Variants in SPN observed in about 807,000 individuals in gnomAD.
The protein encoded by SPN is leukosialin.
SPN carries 6 observed loss-of-function variants against 8.4 expected under a neutral mutation model. That is an observed-to-expected ratio of 0.72 (90% CI 0.39 to 1.42). The LOEUF (loss-of-function observed/expected upper bound fraction) is 1.42, where lower values mean the gene tolerates loss of function less well. Among genes scored for constraint, SPN ranks in the 40% most tolerant of loss-of-function variants. The probability of loss-of-function intolerance (pLI) is 0.02; values close to 1 mark genes in which losing one functional copy is unlikely to be tolerated. For missense variants in SPN, 517 were observed against 530.6 expected (o/e 0.97, Z 0.25); for synonymous variants, 201 against 222.6 (o/e 0.90, Z 0.86).
In SPN at chr16:29,664,203, G is replaced by A. The variant is rs761348353; in HGVS notation, c.475G>A (p.Glu159Lys). Residue 159 changes from glutamate to lysine, a missense_variant, in exon 2 of 2, where the codon GAG (glutamate) becomes AAG (lysine). By Grantham distance (56) the Glu-to-Lys change is moderately conservative. Coordinates refer to ENST00000652691, the MANE Select transcript of SPN (RefSeq NM_003123.6). This position sits in a 1 kb window ranked among gnomAD's most constrained non-coding sequence, Gnocchi z 6.4. ...TGTTACCACGGCAGCTAGCTCTCTG[G>A]AGACCTCCAGAGGCACCTCTGGACC... ...APVTTAASSL[E>K]TSRGTSGPPL... The A allele has an allele frequency of 6.2e-7, 1 of 1,613,750 alleles. No individual in the cohort carries two copies. Among genetic ancestry groups the A allele is most frequent in the Non-Finnish European group, 8.5e-7 (1 of 1,179,936 alleles).
rs1034934466 is a variant in SPN, at chr16:29,669,949, T to C, written c.*5018T>C. ...GTGCAGTGGCTATGCGGTGGCACTA[T>C]AGGAGGCTGAGGCGGGCAGATCACC... On this transcript the variant is annotated 3_prime_UTR_variant, in exon 2 of 2. Transcript: ENST00000652691. 1 of 165,462 alleles carries C rather than the reference T, an allele frequency of 6.0e-6. No individual in the cohort carries two copies. Among genetic ancestry groups the C allele is most frequent in the African/African-American group, 2.4e-5 (1 of 40,890 alleles). 10.2% of individuals were successfully genotyped at this position (165,462 alleles called of 1,614,324 possible). A position where few individuals can be genotyped will look rare whatever the true frequency, so the allele number is the denominator to read the frequency against.
rs568108547 is a variant in SPN at position 29,664,683 on chromosome 16, G to A, written c.955G>A (p.Val319Met). ...TGAGGAGGGGGCCGTGACAGTGACC[G>A]TGGGAGGGTCCGGGGGCGACAAGGG... Reference protein sequence around the residue: ...VPEEGAVTVTVGGSGGDKGSG... With the variant: ...VPEEGAVTVTMGGSGGDKGSG... Residue 319 changes from valine (V) to methionine (M), a missense_variant, in exon 2 of 2, where the codon GTG (valine) becomes ATG (methionine). Transcript: ENST00000652691. This position sits in a 1 kb window ranked among gnomAD's most constrained non-coding sequence, Gnocchi z 6.4. 135 of 1,499,584 alleles carry A rather than the reference G, an allele frequency of 9.0e-5. No individual in the cohort carries two copies. The highest frequency in any genetic ancestry group is 5.6e-4 in the South Asian group (41 of 73,836). The allele number at this position is 1,499,584 out of a possible 1,614,324, so 92.9% of individuals were successfully genotyped here.
In SPN at chr16:29,663,757, T is replaced by G; in HGVS notation, c.29T>G (p.Val10Gly). MATLLLLLG[V>G]LVVSPDALGS... ...GCCACGCTTCTCCTTCTCCTTGGGGTGCTGGTGGTAAGCCCAGACGCTCTG... is the reference window on the plus strand; with the variant it reads ...GCCACGCTTCTCCTTCTCCTTGGGGGGCTGGTGGTAAGCCCAGACGCTCTG... The change falls in exon 2 of 2, where the codon GTG (valine) becomes GGG (glycine). Residue 10 changes from valine (V) to glycine (G), a missense_variant. Coordinates refer to ENST00000652691, the MANE Select transcript of SPN (RefSeq NM_003123.6). This position sits in a 1 kb window ranked among gnomAD's most constrained non-coding sequence, Gnocchi z 4.3. The G allele has an allele frequency of 1.3e-6, 2 of 1,594,542 alleles. No homozygotes were observed. Among genetic ancestry groups the G allele is most frequent in the African/African-American group, 2.7e-5 (2 of 74,266 alleles).
Position 29,668,125 on chromosome 16 carries a change from AGT to A in SPN, c.*3199_*3200del, listed in dbSNP as rs1966839166. 6.0e-6 allele frequency: 1 copy of A among 167,052 alleles called. No homozygotes were observed. Among genetic ancestry groups the A allele is most frequent in the Admixed American group, 6.5e-5 (1 of 15,276 alleles). 10.3% of individuals were successfully genotyped at this position (167,052 alleles called of 1,614,324 possible). On this transcript the variant is annotated 3_prime_UTR_variant, in exon 2 of 2. Transcript: ENST00000652691. ...GAAAGGTTGGAAGGCTTCACCTGAG[AGT>A]GTGTCGTGGCCTTTGTCATATCCAC...
In SPN at chr16:29,665,409, T is replaced by G. The variant is rs1036153106; in HGVS notation, c.*478T>G. ...TCATGAGGCTTCTCAGCCCTGGATT[T>G]CCTGCTGCCATCCTCACCCAGCACC... On this transcript the variant is annotated 3_prime_UTR_variant, in exon 2 of 2. Transcript: ENST00000652691. 6.0e-6 allele frequency: 1 copy of G among 167,500 alleles called. No homozygotes were observed. Among genetic ancestry groups the G allele is most frequent in the Non-Finnish European group, 1.5e-5 (1 of 68,526 alleles). The allele number at this position is 167,500 out of a possible 1,614,324, so 10.4% of individuals were successfully genotyped here.
chr16:29,664,498 C>G lies in SPN; in HGVS notation c.770C>G (p.Pro257Arg), dbSNP rs1182176765. 6.2e-7 allele frequency: 1 copy of G among 1,614,248 alleles called. No individual in the cohort carries two copies. Residue 257 changes from proline to arginine, a missense_variant, in exon 2 of 2, where the codon CCA becomes CGA. Physicochemically the swap from Pro to Arg is moderately radical, Grantham distance 103. Coordinates refer to ENST00000652691, the MANE Select transcript of SPN (RefSeq NM_003123.6). This position sits in a 1 kb window ranked among gnomAD's most constrained non-coding sequence, Gnocchi z 6.4. The part of the protein sequence containing the change: ...NPDENSRGML[P>R]VAVLVALLAV... ...GATGAGAACTCACGAGGCATGCTGC[C>G]AGTGGCTGTGCTTGTGGCCCTGCTG...
rs1966836927 is a variant in SPN, at chr16:29,667,945, CCT to C, written c.*3015_*3016del. The C allele has an allele frequency of 6.0e-6, 1 of 166,258 alleles. No individual in the cohort carries two copies. The highest frequency in any genetic ancestry group is 2.1e-4 in the South Asian group (1 of 4,816). The allele number at this position is 166,258 out of a possible 1,614,324, so 10.3% of individuals were successfully genotyped here. On this transcript the variant is annotated 3_prime_UTR_variant, in exon 2 of 2. Coordinates refer to ENST00000652691, the MANE Select transcript of SPN (RefSeq NM_003123.6). ...GCGTGCATGTGCGTGCGTGCATGTG[CCT>C]GTGTGTGTATGTGTGCACATGTGTG... is the stretch of plus-strand genomic sequence containing the variant.
rs1464632652 is a variant in SPN at position 29,663,422 on chromosome 16, T to C, written c.-35+106T>C. On this transcript the variant is annotated intron_variant, in intron 1 of 1. Coordinates refer to ENST00000652691, the MANE Select transcript of SPN (RefSeq NM_003123.6). This position sits in a 1 kb window ranked among gnomAD's most constrained non-coding sequence, Gnocchi z 4.3. ...TATGATGGGAAGAGATTGGGAGCCA[T>C]TGGGCTGCACAGGGTCAGGGAAGGC... 1.9e-5 allele frequency: 6 copies of C among 314,910 alleles called. No individual in the cohort carries two copies. Among genetic ancestry groups the C allele is most frequent in the Admixed American group, 4.8e-5 (1 of 20,846 alleles). 19.5% of individuals were successfully genotyped at this position (314,910 alleles called of 1,614,324 possible).
In SPN at chr16:29,664,792, C is replaced by G; in HGVS notation, c.1064C>G (p.Ser355Cys). Residue 355 changes from serine (S) to cysteine (C), a missense_variant, in exon 2 of 2, where the codon TCC (serine) becomes TGC (cysteine). Physicochemically the swap from Ser to Cys is moderately radical, Grantham distance 112 (BLOSUM62 -1). Coordinates refer to ENST00000652691, the MANE Select transcript of SPN (RefSeq NM_003123.6). This position sits in a 1 kb window ranked among gnomAD's most constrained non-coding sequence, Gnocchi z 6.4. ...GGCAGACGGAAGTCTCGCCAGGGCT[C>G]CCTGGCGATGGAGGAGCTGAAGTCT... ...FFGRRKSRQG[S>C]LAMEELKSGS... is the part of the protein sequence containing the mutation. 6 of 1,502,060 alleles carry G rather than the reference C, an allele frequency of 4.0e-6. No homozygotes were observed. Among genetic ancestry groups the G allele is most frequent in the Non-Finnish European group, 5.3e-6 (6 of 1,128,540 alleles). The allele number at this position is 1,502,060 out of a possible 1,614,324, so 93.0% of individuals were successfully genotyped here. A position where few individuals can be genotyped will look rare whatever the true frequency, so the allele number is the denominator to read the frequency against.
chr16:29,666,552 A>ACGCGCGCGCGCGCGCG lies in SPN; in HGVS notation c.*1623_*1638dup, dbSNP rs1555490176. On this transcript the variant is annotated 3_prime_UTR_variant, in exon 2 of 2. Transcript: ENST00000652691. ...CACACACACACACACACACACACAC[A>ACGCGCGCGCGCGCGCG]CGCGCGCGCGCGCGCGCTCTCCTGC... 11 of 141,258 alleles carry ACGCGCGCGCGCGCGCG rather than the reference A, an allele frequency of 7.8e-5. No individual in the cohort carries two copies. The highest frequency in any genetic ancestry group is 4.2e-4 in the East Asian group (1 of 2,360). The allele number at this position is 141,258 out of a possible 1,614,324, so 8.8% of individuals were successfully genotyped here.
rs139174583 is a variant in SPN, at chr16:29,666,552, A to ACACACGAGCG, written c.*1622_*1623insACACGAGCGC. ...CACACACACACACACACACACACAC[A>ACACACGAGCG]CGCGCGCGCGCGCGCGCTCTCCTGC... On this transcript the variant is annotated 3_prime_UTR_variant, in exon 2 of 2. Transcript: ENST00000652691. 2 of 148,918 alleles carry ACACACGAGCG rather than the reference A, an allele frequency of 1.3e-5. No homozygotes were observed. Among genetic ancestry groups the ACACACGAGCG allele is most frequent in the Non-Finnish European group, 2.7e-5 (2 of 73,810 alleles). 9.2% of individuals were successfully genotyped at this position (148,918 alleles called of 1,614,324 possible).
Position 29,664,884 on chromosome 16 carries a change from G to A in SPN, c.1156G>A (p.Ala386Thr), listed in dbSNP as rs866250284. The change falls in exon 2 of 2, where the codon GCC (alanine) becomes ACC (threonine). Residue 386 changes from alanine (A) to threonine (T), a missense_variant. Ala to Thr is a moderately conservative substitution (Grantham distance 58). Coordinates refer to ENST00000652691, the MANE Select transcript of SPN (RefSeq NM_003123.6). The surrounding 1 kb of genome is among the most constrained non-coding windows in gnomAD (Gnocchi z 6.4). ...LVASEDGAVD[A>T]PAPDEPEGGD... The stretch of plus-strand genomic sequence containing the variant: ...GGCCAGTGAGGATGGGGCTGTGGAC[G>A]CCCCAGCTCCTGATGAGCCCGAAGG... 20 of 1,463,694 alleles carry A rather than the reference G, an allele frequency of 1.4e-5. No individual in the cohort carries two copies. Among genetic ancestry groups the A allele is most frequent in the Middle Eastern group, 3.7e-4 (2 of 5,366 alleles). The allele number at this position is 1,463,694 out of a possible 1,614,324, so 90.7% of individuals were successfully genotyped here.
At position 29,666,552 on chromosome 16, in the gene SPN, A is replaced by ACACGCGCGCGCGCGCGCGCG. The variant is rs139174583; in HGVS notation, c.*1622_*1623insACGCGCGCGCGCGCGCGCGC. 7.1e-6 allele frequency: 1 copy of ACACGCGCGCGCGCGCGCGCG among 141,258 alleles called. No homozygotes were observed. Among genetic ancestry groups the ACACGCGCGCGCGCGCGCGCG allele is most frequent in the African/African-American group, 3.0e-5 (1 of 33,184 alleles). 8.8% of individuals were successfully genotyped at this position (141,258 alleles called of 1,614,324 possible). ...CACACACACACACACACACACACAC[A>ACACGCGCGCGCGCGCGCGCG]CGCGCGCGCGCGCGCGCTCTCCTGC... On this transcript the variant is annotated 3_prime_UTR_variant, in exon 2 of 2. Coordinates refer to ENST00000652691, the MANE Select transcript of SPN (RefSeq NM_003123.6).
rs1318563112 is a variant in SPN, at chr16:29,664,096, ACT to A, written c.373_374del (p.Leu125ArgfsTer20). ...CATCCTGCTGTTCCCATAACAGCAA[ACT>A]CTCTAGGATCCCACACCGTGACAGG... On this transcript the variant is annotated frameshift_variant, in exon 2 of 2. Transcript: ENST00000652691. LOFTEE classifies it high-confidence loss of function. This position sits in a 1 kb window ranked among gnomAD's most constrained non-coding sequence, Gnocchi z 6.4. 1 of 1,613,712 alleles carries A rather than the reference ACT, an allele frequency of 6.2e-7. No individual in the cohort carries two copies. The highest frequency in any genetic ancestry group is 8.5e-7 in the Non-Finnish European group (1 of 1,179,916).
chr16:29,664,875 G>C lies in SPN; in HGVS notation c.1147G>C (p.Ala383Pro). The stretch of plus-strand genomic sequence containing the variant: ...GCCACTGGTGGCCAGTGAGGATGGG[G>C]CTGTGGACGCCCCAGCTCCTGATGA... ...EEPLVASEDG[A>P]VDAPAPDEPE... is the part of the protein sequence containing the mutation. The change falls in exon 2 of 2, where the codon GCT (alanine) becomes CCT (proline). Residue 383 changes from alanine (A) to proline (P), a missense_variant. Transcript: ENST00000652691. The surrounding 1 kb of genome is among the most constrained non-coding windows in gnomAD (Gnocchi z 6.4). The C allele has an allele frequency of 6.7e-7, 1 of 1,483,922 alleles. No individual in the cohort carries two copies. Among genetic ancestry groups the C allele is most frequent in the Non-Finnish European group, 8.9e-7 (1 of 1,119,582 alleles). The allele number at this position is 1,483,922 out of a possible 1,614,324, so 91.9% of individuals were successfully genotyped here.
In SPN at chr16:29,664,280, A is replaced by AC. The variant is rs1482643970; in HGVS notation, c.557dup (p.Val187CysfsTer6). On this transcript the variant is annotated frameshift_variant, in exon 2 of 2. Transcript: ENST00000652691. LOFTEE classifies it high-confidence loss of function. This position sits in a 1 kb window ranked among gnomAD's most constrained non-coding sequence, Gnocchi z 6.4. ...TGGAGACTTCCAAAGGCACCTCTGG[A>AC]CCCCCTGTTACCATGGCAACTGACT... 8 of 1,613,146 alleles carry AC rather than the reference A, an allele frequency of 5.0e-6. No individual in the cohort carries two copies. Among genetic ancestry groups the AC allele is most frequent in the Non-Finnish European group, 6.8e-6 (8 of 1,179,754 alleles).
At position 29,666,524 on chromosome 16, in the gene SPN, T is replaced by TCTCTCTCACA. The variant is rs1293341953; in HGVS notation, c.*1594_*1595insTCTCTCACAC. 1 of 136,476 alleles carries TCTCTCTCACA rather than the reference T, an allele frequency of 7.3e-6. No individual in the cohort carries two copies. Among genetic ancestry groups the TCTCTCTCACA allele is most frequent in the African/African-American group, 3.1e-5 (1 of 31,956 alleles). The allele number at this position is 136,476 out of a possible 1,614,324, so 8.5% of individuals were successfully genotyped here. ...TGCGCTCTCTCTCTCTCTCTCTCTC[T>TCTCTCTCACA]CACACACACACACACACACACACAC... On this transcript the variant is annotated 3_prime_UTR_variant, in exon 2 of 2. Coordinates refer to ENST00000652691, the MANE Select transcript of SPN (RefSeq NM_003123.6).
Position 29,664,564 on chromosome 16 carries a change from G to C in SPN, c.836G>C (p.Arg279Pro). The C allele has an allele frequency of 1.9e-6, 3 of 1,613,018 alleles. No homozygotes were observed. The highest frequency in any genetic ancestry group is 2.5e-6 in the Non-Finnish European group (3 of 1,179,654). ...GTGGCTCTGCTCCTGCTGTGGCGCC[G>C]GCGGCAGAAGCGGCGGACTGGGGCC... is the stretch of plus-strand genomic sequence containing the variant. ...VLVALLLLWR[R>P]RQKRRTGALV... Residue 279 changes from arginine (R) to proline (P), a missense_variant, in exon 2 of 2, where the codon CGG (arginine) becomes CCG (proline). Arg to Pro is a moderately radical substitution (Grantham distance 103). Transcript: ENST00000652691. The surrounding 1 kb of genome is among the most constrained non-coding windows in gnomAD (Gnocchi z 6.4).
Position 29,663,528 on chromosome 16 carries a change from A to G in SPN, c.-34-167A>G, listed in dbSNP as rs989246192. On this transcript the variant is annotated intron_variant, in intron 1 of 1. Transcript: ENST00000652691. This position sits in a 1 kb window ranked among gnomAD's most constrained non-coding sequence, Gnocchi z 4.3. The stretch of plus-strand genomic sequence containing the variant: ...GGATGGGGCTGATGGGGGAGCTGCC[A>G]GCATCTGTTCCTCTGTCATTTCTGA... Among the ~76,000 whole-genome samples the G allele has an allele frequency of 6.6e-6, 1 of 152,172 alleles. No homozygotes were observed. The highest frequency in any genetic ancestry group is 2.4e-5 in the African/African-American group (1 of 41,440).
Sources: allele counts gnomAD v4.1 joint callset (sites outside exome capture counted in the v4.1 genomes callset), GRCh38; gene constraint gnomAD v4.1.1; non-coding constraint Gnocchi (gnomAD v3.1); transcripts MANE v1.5; gene names NCBI Gene and HGNC (gene_info 2026-07-23, HGNC 2026-07-21).